The following AGBL4 variants were observed in gnomAD, a reference collection of about 807,000 sequenced individuals.
AGBL4 encodes the protein cytosolic carboxypeptidase 6.
In AGBL4, 58 loss-of-function variants were observed where a neutral mutation model predicts 66.4. The observed-to-expected ratio is 0.87, with a 90% CI of 0.71 to 1.09. AGBL4 has a LOEUF of 1.09. AGBL4 is among the 50% of genes least tolerant of loss of function. The pLI, the probability that AGBL4 is intolerant of heterozygous loss-of-function variation, is 0.00. For synonymous variants in AGBL4, 234 were observed against 222.9 expected (o/e 1.05, Z -0.44); for missense variants, 579 against 631.0 (o/e 0.92, Z 0.88).
At chr1:48,779,043 A>T (rs1645220682) in intron 6 of AGBL4, among the ~76,000 whole-genome samples, 1 of 152,220 alleles carries the variant, frequency 6.6e-6, no homozygotes, top group African/African-American at 2.4e-5. Flanking sequence ...CTTTGGACTG[A>T]TCCTCAGTGA....
intron 5 of AGBL4, among the ~76,000 whole-genome samples, chr1:48,902,877 G>A (rs987892479): frequency 5.3e-5 from 8 of 152,070 alleles, no homozygotes; most frequent in African/African-American, 1.7e-4. Flanking sequence ...TCAGGATGAT[G>A]TTCAAGATCC....
intron 6 of AGBL4, among the ~76,000 whole-genome samples, chr1:48,688,617 C>G (rs1646571663): frequency 6.6e-6 from 1 of 152,170 alleles, no homozygotes; most frequent in Admixed American, 6.5e-5. Flanking sequence ...TTTGCTTACA[C>G]TGCAGGAAAG....
At position 48,772,077 on chromosome 1, in the gene AGBL4, T is replaced by C. The variant is rs186506950; in HGVS notation, c.634+95114A>G. On this transcript the variant is annotated intron_variant, in intron 6 of 13. Coordinates refer to ENST00000371839, the MANE Select transcript of AGBL4 (RefSeq NM_032785.4). ...CTTCCCAAAGTTGATGAGTTCAACA[T>C]GGGCACACCAGTGCAGACTATATGC... Among the ~76,000 whole-genome samples the C allele has an allele frequency of 3.9e-5, 6 of 152,340 alleles. No homozygotes were observed. In the East Asian group the frequency reaches 1.2e-3, roughly 29 times the overall value.
chr1:48,836,467 A>T (rs957985546), intron 6 of AGBL4, among the ~76,000 whole-genome samples: 1 of 152,098 alleles, frequency 6.6e-6, no homozygotes, highest in Non-Finnish European at 1.5e-5. Flanking sequence ...ACTTGCGGGA[A>T]TGATACTCAT....
intron 3 of AGBL4, among the ~76,000 whole-genome samples, chr1:49,271,626 T>C (rs536326798): frequency 6.6e-6 from 1 of 152,236 alleles, no homozygotes; most frequent in Non-Finnish European, 1.5e-5. Context: ...CTTAGTTGAC[T>C]AAAACCCTTT....
chr1:49,107,688 T>TGAGA lies in AGBL4; in HGVS notation c.378-61889_378-61888insTCTC, dbSNP rs1378360186. ...GAATATGTGTATGTGTGTGTGTGTG[T>TGAGA]GTGTGTGAGAGAGAGAGAGAGAGAG... On this transcript the variant is annotated intron_variant, in intron 4 of 13. Coordinates refer to ENST00000371839, the MANE Select transcript of AGBL4 (RefSeq NM_032785.4). Among the ~76,000 whole-genome samples the TGAGA allele has an allele frequency of 6.3e-4, 66 of 105,300 alleles. 1 individual carries two copies. The highest frequency in any genetic ancestry group is 2.2e-3 in the African/African-American group (59 of 26,344). 69.1% of individuals were successfully genotyped at this position (105,300 alleles called of 152,430 possible). A position where few individuals can be genotyped will look rare whatever the true frequency, so the allele number is the denominator to read the frequency against.
intron 3 of AGBL4, among the ~76,000 whole-genome samples, chr1:49,370,859 G>C (rs959274734): frequency 1.3e-5 from 2 of 152,216 alleles, no homozygotes; most frequent in Non-Finnish European, 2.9e-5. Flanking sequence ...TGGAGGGTTT[G>C]AGATGAGTTA....
intron 5 of AGBL4, among the ~76,000 whole-genome samples, chr1:48,985,470 T>C (rs1660110488): frequency 6.6e-6 from 1 of 152,064 alleles, no homozygotes; most frequent in Non-Finnish European, 1.5e-5. Flanking sequence ...GATGGAAAAG[T>C]GCCTGGTACT....
chr1:48,920,806 G>T (rs1654012891), intron 5 of AGBL4, among the ~76,000 whole-genome samples: 1 of 152,156 alleles, frequency 6.6e-6, no homozygotes, highest in South Asian at 2.1e-4. Context: ...TGGATAGGGA[G>T]GGAAGAGACA....
chr1:48,557,787 A>G (rs1361011000), intron 11 of AGBL4, among the ~76,000 whole-genome samples: 1 of 152,204 alleles, frequency 6.6e-6, no homozygotes, highest in African/African-American at 2.4e-5. Flanking sequence ...ACCTAGGCAG[A>G]GCAGAGAACC....
In AGBL4 at chr1:49,845,578, T is replaced by G; in HGVS notation, c.157+5818A>C. The G allele has an allele frequency of 6.2e-6, 10 of 1,604,528 alleles. No homozygotes were observed. The South Asian group carries it at 9.9e-5, about 16-fold the overall frequency. On this transcript the variant is annotated intron_variant, in intron 2 of 13. Transcript: ENST00000371839. ...GCAAATCCACACAGGGGAGAAGCCC[T>G]ACGAGTGCCATGAGTGTGGAAAAGC... is the stretch of plus-strand genomic sequence containing the variant.
At chr1:49,708,447 G>A (rs912214685) in intron 2 of AGBL4, among the ~76,000 whole-genome samples, 22 of 151,936 alleles carry the variant, frequency 1.4e-4, no homozygotes, top group Admixed American at 3.9e-4. Flanking sequence ...CTAGTTAGCA[G>A]CTCCTGTAAC....
intron 1 of AGBL4, among the ~76,000 whole-genome samples, chr1:49,946,272 G>C (rs143691152): frequency 1.3e-5 from 2 of 151,984 alleles, no homozygotes; most frequent in African/African-American, 4.8e-5. Flanking sequence ...ATTCATCATT[G>C]CATGGAACTT....
intron 1 of AGBL4, among the ~76,000 whole-genome samples, chr1:49,851,794 G>C (rs556265480): frequency 4.6e-5 from 7 of 152,136 alleles, no homozygotes; most frequent in Non-Finnish European, 7.4e-5. Flanking sequence ...AATGTGAACA[G>C]TAAACTCATC....
At chr1:49,236,399 T>C (rs1444814067) in intron 4 of AGBL4, among the ~76,000 whole-genome samples, 2 of 152,176 alleles carry the variant, frequency 1.3e-5, no homozygotes. Context: ...TCCATGTGTC[T>C]TCTCACCCCT....
At chr1:48,673,797 A>T (rs1646315518) in intron 6 of AGBL4, among the ~76,000 whole-genome samples, 1 of 152,192 alleles carries the variant, frequency 6.6e-6, no homozygotes, top group African/African-American at 2.4e-5. Flanking sequence ...ATTCTGAACC[A>T]ACTCCCATAT....
intron 3 of AGBL4, among the ~76,000 whole-genome samples, chr1:49,404,560 A>G (rs924771158): frequency 1.3e-5 from 2 of 152,190 alleles, no homozygotes; most frequent in East Asian, 1.9e-4. Context: ...ATTTATTCCT[A>G]TGTAGGCACC....
intron 6 of AGBL4, among the ~76,000 whole-genome samples, chr1:48,728,957 G>C (rs549028825): frequency 6.6e-6 from 1 of 152,190 alleles, no homozygotes; most frequent in Non-Finnish European, 1.5e-5. Flanking sequence ...CTCTTACTGA[G>C]TCCACCATTT....
chr1:49,017,054 C>T (rs1211904358), intron 5 of AGBL4, among the ~76,000 whole-genome samples: 2 of 152,240 alleles, frequency 1.3e-5, no homozygotes, highest in South Asian at 2.1e-4. Context: ...CTGGTGTAGA[C>T]ATAGAAGGAC....
Sources: allele counts gnomAD v4.1 joint callset (sites outside exome capture counted in the v4.1 genomes callset), GRCh38; gene constraint gnomAD v4.1.1; transcripts MANE v1.5; gene names NCBI Gene and HGNC (gene_info 2026-07-23, HGNC 2026-07-21).